The following MBD2 variants were observed in gnomAD, a reference collection of about 807,000 sequenced individuals.
The protein encoded by MBD2 is methyl-CpG binding domain protein 2.
Under a neutral mutation model 39.3 loss-of-function variants are expected in MBD2, and 9 were observed. That is an observed-to-expected ratio of 0.23 (90% CI 0.14 to 0.40). The LOEUF is 0.40. Ranked by LOEUF, MBD2 falls within the 10% of genes least tolerant of loss-of-function variation. The pLI, the probability that MBD2 is intolerant of heterozygous loss-of-function variation, is 1.00. For missense variants in MBD2, 458 were observed against 532.6 expected (o/e 0.86, Z 1.38); for synonymous variants, 233 against 211.1 (o/e 1.10, Z -0.90).
chr18:54,223,151 T>C (rs649896), intron 1 of MBD2, among the ~76,000 whole-genome samples: 5,886 of 152,334 alleles, frequency 0.039, 361 homozygotes, highest in African/African-American at 0.13. Context: ...CGGATGTCAA[T>C]TGCCATAGGC....
Position 54,190,506 on chromosome 18 carries a change from C to T in MBD2, c.703-1495G>A, listed in dbSNP as rs117436800. Among the ~76,000 whole-genome samples, 127 of 152,262 alleles carry T rather than the reference C, an allele frequency of 8.3e-4. 2 individuals carry two copies. In the South Asian group the frequency reaches 0.014, roughly 17 times the overall value. On this transcript the variant is annotated intron_variant, in intron 2 of 6. Coordinates refer to ENST00000256429, the MANE Select transcript of MBD2 (RefSeq NM_003927.5). ...TGCTGGGAGAGGCTCTGGCCACCCA[C>T]GACCCTGAACTGGAATCAGTGGGTG...
chr18:54,162,288 G>A (rs959852629), intron 5 of MBD2, among the ~76,000 whole-genome samples: 1 of 152,186 alleles, frequency 6.6e-6, no homozygotes, highest in African/African-American at 2.4e-5. Flanking sequence ...ACTCATCAAT[G>A]CAAACATTAT....
chr18:54,224,235 C>A lies in MBD2; in HGVS notation c.325G>T (p.Gly109Cys), dbSNP rs1366947016. ...SGGSGLGGDGGGCGGGGSGGG... is the reference protein window; with the variant it reads ...SGGSGLGGDGCGCGGGGSGGG... ...CCGCTGCCGCCGCCGCCGCAGCCGC[C>A]GCCGTCGCCGCCAAGGCCGCTGCCG... The change falls in exon 1 of 7, where the codon GGC (glycine) becomes TGC (cysteine). Residue 109 changes from glycine to cysteine, a missense_variant. Gly to Cys is a radical substitution (Grantham distance 159, BLOSUM62 -3). Coordinates refer to ENST00000256429, the MANE Select transcript of MBD2 (RefSeq NM_003927.5). The A allele has an allele frequency of 9.0e-6, 9 of 1,004,374 alleles. No homozygotes were observed. The East Asian group carries it at 6.9e-4, about 77-fold the overall frequency. The allele number at this position is 1,004,374 out of a possible 1,614,324, so 62.2% of individuals were successfully genotyped here. A position where few individuals can be genotyped will look rare whatever the true frequency, so the allele number is the denominator to read the frequency against.
chr18:54,203,756 A>C (rs562958635), intron 2 of MBD2, among the ~76,000 whole-genome samples: 83 of 152,342 alleles, frequency 5.4e-4, no homozygotes, highest in Non-Finnish European at 8.5e-4. Flanking sequence ...CTCGGGTCAG[A>C]AAGTTTCCAA....
In MBD2 at chr18:54,153,493, T is replaced by C. The variant is rs989741155; in HGVS notation, c.*1831A>G. ...AAAATCAGTTTTATATGTGTATACATTGTGTTTTTGCTTTTACAAGCTGTT... is the reference window on the plus strand; with the variant it reads ...AAAATCAGTTTTATATGTGTATACACTGTGTTTTTGCTTTTACAAGCTGTT... On this transcript the variant is annotated 3_prime_UTR_variant, in exon 7 of 7. Transcript: ENST00000256429. The C allele has an allele frequency of 1.6e-4, 25 of 152,166 alleles. No individual in the cohort carries two copies. Among genetic ancestry groups the C allele is most frequent in the African/African-American group, 2.9e-4 (12 of 41,426 alleles). 9.4% of individuals were successfully genotyped at this position (152,166 alleles called of 1,614,324 possible).
In MBD2 at chr18:54,194,590, A is replaced by T. The variant is rs553570410; in HGVS notation, c.703-5579T>A. On this transcript the variant is annotated intron_variant, in intron 2 of 6. Transcript: ENST00000256429. Reference sequence around the variant, plus strand: ...ATATATATGTAGCTTAATGAAAAAAATTTTTTAAATAATTTTATGTTCTCA... The same window carrying T: ...ATATATATGTAGCTTAATGAAAAAATTTTTTTAAATAATTTTATGTTCTCA... Among the ~76,000 whole-genome samples the T allele has an allele frequency of 3.6e-4, 54 of 149,656 alleles. No homozygotes were observed. The South Asian group carries it at 7.1e-3, about 20-fold the overall frequency.
At chr18:54,218,404 T>C (rs908083000) in intron 1 of MBD2, among the ~76,000 whole-genome samples, 7 of 152,214 alleles carry the variant, frequency 4.6e-5, no homozygotes, top group South Asian at 2.1e-4. Flanking sequence ...ACAAGTGTAA[T>C]AGTAAATAAT....
rs2086083328 is a variant in MBD2, at chr18:54,159,920, T to C, written c.1110-17A>G. On this transcript the variant is annotated splice_polypyrimidine_tract_variant and intron_variant, in intron 5 of 6. Transcript: ENST00000256429. ...TCCTGTTTCCTTTTTAAAAACAGAATAAAAAGGCACTGAGAATTTGGCAAG... is the reference window on the plus strand; with the variant it reads ...TCCTGTTTCCTTTTTAAAAACAGAACAAAAAGGCACTGAGAATTTGGCAAG... 1.9e-6 allele frequency: 3 copies of C among 1,609,340 alleles called. No individual in the cohort carries two copies. Among genetic ancestry groups the C allele is most frequent in the Non-Finnish European group, 2.5e-6 (3 of 1,179,632 alleles).
intron 5 of MBD2, among the ~76,000 whole-genome samples, chr18:54,161,380 C>T (rs1252235430): frequency 6.6e-6 from 1 of 152,158 alleles, no homozygotes; most frequent in Non-Finnish European, 1.5e-5. Context: ...TGGAATTTGA[C>T]AGATTTTCAT....
At chr18:54,213,850 ATATG>A (rs1461868287) in intron 1 of MBD2, among the ~76,000 whole-genome samples, 1 of 152,188 alleles carries the variant, frequency 6.6e-6, no homozygotes, top group African/African-American at 2.4e-5. Context: ...GTATGTAGGT[ATATG>A]TGTGTGTGTA....
In MBD2 at chr18:54,220,662, C is replaced by T. The variant is rs112305740; in HGVS notation, c.542+3356G>A. On this transcript the variant is annotated intron_variant, in intron 1 of 6. Coordinates refer to ENST00000256429, the MANE Select transcript of MBD2 (RefSeq NM_003927.5). ...CCAACAGGAGAATTAACTCTTAACC[C>T]ACTTTTAGCAGATAGTGGGTGTTTG... 5.1e-3 allele frequency among the ~76,000 whole-genome samples: 782 copies of T among 152,304 alleles called. 10 individuals are homozygous for T. Among genetic ancestry groups the T allele is most frequent in the African/African-American group, 0.016 (668 of 41,548 alleles).
At chr18:54,214,731 CTTTT>C (rs2086541591) in intron 1 of MBD2, among the ~76,000 whole-genome samples, 1 of 63,184 alleles carries the variant, frequency 1.6e-5, no homozygotes. Flanking sequence ...AGGTAGAATT[CTTTT>C]AGAATTCTTT....
At position 54,159,788 on chromosome 18, in the gene MBD2, C is replaced by T. The variant is rs758637766; in HGVS notation, c.1225G>A (p.Asp409Asn). ...EEMDIEMDSG[D>N]EA is the part of the protein sequence containing the mutation. ...ACCTGATCATATTCTTAGGCTTCATCTCCACTGTCCATTTCAATATCCATC... is the reference window on the plus strand; with the variant it reads ...ACCTGATCATATTCTTAGGCTTCATTTCCACTGTCCATTTCAATATCCATC... Residue 409 changes from aspartate (D) to asparagine (N), a missense_variant, in exon 6 of 7, where the codon GAT becomes AAT. Physicochemically the swap from Asp to Asn is conservative, Grantham distance 23 (BLOSUM62 1). Coordinates refer to ENST00000256429, the MANE Select transcript of MBD2 (RefSeq NM_003927.5). 1 of 1,610,694 alleles carries T rather than the reference C, an allele frequency of 6.2e-7. No homozygotes were observed. Among genetic ancestry groups the T allele is most frequent in the Admixed American group, 1.7e-5 (1 of 60,022 alleles).
At chr18:54,205,953 CACAT>C (rs1032960851) in intron 1 of MBD2, among the ~76,000 whole-genome samples, 12 of 144,946 alleles carry the variant, frequency 8.3e-5, no homozygotes, top group African/African-American at 2.7e-4. Flanking sequence ...TTAAAACACA[CACAT>C]ACACACACAC....
At chr18:54,162,360 A>G (rs904129093) in intron 5 of MBD2, among the ~76,000 whole-genome samples, 4 of 152,262 alleles carry the variant, frequency 2.6e-5, no homozygotes, top group Non-Finnish European at 5.9e-5. Context: ...GGTTTAATGT[A>G]GACAGACTAT....
Position 54,224,623 on chromosome 18 carries a change from CCGCCCCGCCCGCAGCGCGGCG to C in MBD2, c.-85_-65del, listed in dbSNP as rs2086647832. 1 of 1,140,796 alleles carries C rather than the reference CCGCCCCGCCCGCAGCGCGGCG, an allele frequency of 8.8e-7. No homozygotes were observed. Among genetic ancestry groups the C allele is most frequent in the African/African-American group, 1.6e-5 (1 of 62,652 alleles). 70.7% of individuals were successfully genotyped at this position (1,140,796 alleles called of 1,614,324 possible). ...ACCGAGCCCTTGGAATCCCGGAGAC[CCGCCCCGCCCGCAGCGCGGCG>C]CGCGGGGGACGCGCGCAAGCATCAT... On this transcript the variant is annotated 5_prime_UTR_variant, in exon 1 of 7. Coordinates refer to ENST00000256429, the MANE Select transcript of MBD2 (RefSeq NM_003927.5).
chr18:54,178,833 T>C (rs995628268), intron 3 of MBD2, among the ~76,000 whole-genome samples: 60 of 152,168 alleles, frequency 3.9e-4, no homozygotes, highest in Non-Finnish European at 1.2e-4. Context: ...CAATAGATAC[T>C]GTAAACATTA....
chr18:54,181,808 T>C (rs1249187526), intron 3 of MBD2, among the ~76,000 whole-genome samples: 1 of 152,216 alleles, frequency 6.6e-6, no homozygotes, highest in South Asian at 2.1e-4. Flanking sequence ...CATCAGTTAT[T>C]GTATGACCAG....
At chr18:54,184,839 C>T (rs2086273889) in intron 3 of MBD2, among the ~76,000 whole-genome samples, 2 of 152,098 alleles carry the variant, frequency 1.3e-5, no homozygotes, top group African/African-American at 2.4e-5. Context: ...CCCAACAGTA[C>T]CCAGAGTAAT....
Sources: gnomAD v4.1 joint callset for allele counts (sites outside exome capture counted in the v4.1 genomes callset) on GRCh38, gnomAD v4.1.1 for gene constraint, MANE v1.5 for transcripts, NCBI Gene and HGNC (gene_info 2026-07-23, HGNC 2026-07-21) for gene names.